OSBPL10: variants seen among roughly 807,000 people sequenced by gnomAD.
OSBPL10 encodes oxysterol binding protein like 10, also known as oxysterol-binding protein-related protein 10.
In OSBPL10, 49 loss-of-function variants were observed where a neutral mutation model predicts 81.7. The observed-to-expected ratio is 0.60, with a 90% CI of 0.48 to 0.76. The LOEUF is 0.76. Ranked by LOEUF, OSBPL10 falls within the 30% of genes least tolerant of loss-of-function variation. The pLI is 0.00. For synonymous variants in OSBPL10, 419 were observed against 383.6 expected, an observed-to-expected ratio of 1.09 and a Z score of -1.08; for missense variants, 923 against 987.8, an observed-to-expected ratio of 0.93 and a Z score of 0.88.
chr3:31,895,565 T>C (rs1327005618), intron 1 of OSBPL10, among the ~76,000 whole-genome samples: 2 of 152,174 alleles, frequency 1.3e-5, no homozygotes, highest in East Asian at 3.9e-4. Flanking sequence ...GCAGTCAACG[T>C]GGAGAATCTG....
chr3:31,767,999 T>C (rs1475881068), intron 4 of OSBPL10, among the ~76,000 whole-genome samples: 1 of 152,166 alleles, frequency 6.6e-6, no homozygotes, highest in Non-Finnish European at 1.5e-5. Flanking sequence ...TGAGGACTAC[T>C]GGTTGGCTAT....
chr3:31,939,565 G>A (rs753269502), intron 1 of OSBPL10, among the ~76,000 whole-genome samples: 4 of 151,896 alleles, frequency 2.6e-5, no homozygotes, highest in South Asian at 4.2e-4. Flanking sequence ...CTCTCCCAGT[G>A]AATCTGGCTT....
At chr3:31,884,453 G>T (rs1219165862) in intron 1 of OSBPL10, among the ~76,000 whole-genome samples, 1 of 152,182 alleles carries the variant, frequency 6.6e-6, no homozygotes, top group Non-Finnish European at 1.5e-5. Context: ...GACTCAACAA[G>T]TGTTCTTTCA....
chr3:31,981,359 CA>C (rs1698839477), upstream of OSBPL10: 1 of 1,110,348 alleles, frequency 9.0e-7, no homozygotes, highest in Non-Finnish European at 1.1e-6. This position sits in a 1 kb window ranked among gnomAD's most constrained non-coding sequence, Gnocchi z 4.5. Flanking sequence ...GGAAGGAAGC[CA>C]ACGGGGCTGG....
intron 2 of OSBPL10, among the ~76,000 whole-genome samples, chr3:32,020,989 G>A (rs1307553153): frequency 1.3e-5 from 2 of 152,186 alleles, no homozygotes; most frequent in Non-Finnish European, 2.9e-5. Context: ...GCTTGCAGAT[G>A]GCTGCCTCTT....
At chr3:31,712,944 A>G (rs994868350) in intron 6 of OSBPL10, among the ~76,000 whole-genome samples, 5 of 152,326 alleles carry the variant, frequency 3.3e-5, no homozygotes, top group South Asian at 2.1e-4. Context: ...ACTGTTCCAC[A>G]TCACATCCAT....
intron 2 of OSBPL10, among the ~76,000 whole-genome samples, chr3:32,007,087 G>T (rs1488899433): frequency 6.6e-6 from 1 of 152,024 alleles, no homozygotes; most frequent in Non-Finnish European, 1.5e-5. Context: ...AATTAAATTT[G>T]TAAATTCAAA....
At position 32,052,186 on chromosome 3, in the gene OSBPL10, G is replaced by T. The variant is rs190829297; in HGVS notation, n.186-5583C>A. The stretch of plus-strand genomic sequence containing the variant: ...CACTTGAGCCTGGGAGGTAGAGGTT[G>T]GAATGAGCAGAGATCACACCACTCC... On this transcript the variant is annotated intron_variant and non_coding_transcript_variant, in intron 1 of 3. Transcript: ENST00000479173. 4.0e-5 allele frequency among the ~76,000 whole-genome samples: 6 copies of T among 151,506 alleles called. No homozygotes were observed. The East Asian group carries it at 7.8e-4, about 20-fold the overall frequency.
chr3:31,764,223 T>C (rs1698136879), intron 4 of OSBPL10, among the ~76,000 whole-genome samples: 1 of 152,252 alleles, frequency 6.6e-6, no homozygotes, highest in Admixed American at 6.5e-5. Flanking sequence ...CCATGATCAC[T>C]GTTCATATAA....
intron 4 of OSBPL10, among the ~76,000 whole-genome samples, chr3:31,796,370 G>GC (rs1054513551): frequency 2.0e-4 from 30 of 151,422 alleles, no homozygotes; most frequent in African/African-American, 5.3e-4. Context: ...TCCTTGCCCC[G>GC]CCCCCCCAAA....
At position 31,965,917 on chromosome 3, in the gene OSBPL10, A is replaced by ATAGATAATATATAT. The variant is rs1206667491; in HGVS notation, c.281+14981_281+14982insATATATATTATCTA. Among the ~76,000 whole-genome samples the ATAGATAATATATAT allele has an allele frequency of 3.0e-3, 348 of 117,040 alleles. 2 individuals carry two copies. Among genetic ancestry groups the ATAGATAATATATAT allele is most frequent in the Middle Eastern group, 7.7e-3 (2 of 260 alleles). 76.8% of individuals were successfully genotyped at this position (117,040 alleles called of 152,430 possible). A position where few individuals can be genotyped will look rare whatever the true frequency, so the allele number is the denominator to read the frequency against. ...TATTATATATTATATAAAATAGATA[A>ATAGATAATATATAT]TATATAATATATATTATATAAAATA... On this transcript the variant is annotated intron_variant, in intron 1 of 11. Transcript: ENST00000396556.
rs1459446635 is a variant in OSBPL10, at chr3:32,010,307, A to C, written n.298+36184T>G. On this transcript the variant is annotated intron_variant and non_coding_transcript_variant, in intron 2 of 3. Transcript: ENST00000479173. ...TGGATCTCCAGCCTCTAGAACTATG[A>C]GAAAATAAATTTCTGTTGTTTAAGC... Among the ~76,000 whole-genome samples, 3 of 152,310 alleles carry C rather than the reference A, an allele frequency of 2.0e-5. No homozygotes were observed. In the East Asian group the frequency reaches 5.8e-4, roughly 29 times the overall value.
chr3:31,791,317 G>A (rs1003409614), intron 4 of OSBPL10, among the ~76,000 whole-genome samples: 3 of 152,098 alleles, frequency 2.0e-5, no homozygotes, highest in African/African-American at 7.2e-5. Context: ...CACATTCCCA[G>A]GCTAAAAACT....
chr3:31,982,735 AT>A (rs1698875310), upstream of OSBPL10, among the ~76,000 whole-genome samples: 2 of 152,192 alleles, frequency 1.3e-5, no homozygotes, highest in Admixed American at 1.3e-4. Context: ...CCTTGATCAA[AT>A]TACCTCTTTT....
intron 11 of OSBPL10, 177 bp from the exon 12 acceptor site, chr3:31,662,293 C>T: frequency 7.4e-7 from 1 of 1,359,084 alleles, no homozygotes. Context: ...ATCTAGATGA[C>T]CTTGACCTTC....
rs748805221 is a variant in OSBPL10 at position 31,684,160 on chromosome 3, G to A, written c.1246-46C>T. 1.9e-5 allele frequency: 31 copies of A among 1,591,006 alleles called. 1 individual carries two copies. The highest frequency in any genetic ancestry group is 1.5e-4 in the South Asian group (13 of 88,750). On this transcript the variant is annotated intron_variant, in intron 7 of 11. Transcript: ENST00000396556. Reference sequence around the variant, plus strand: ...AGTCAGACAATCCCTGGGATTACACGGAAAAGCTGAAAAGAAAGGTAAAGG... The same window carrying A: ...AGTCAGACAATCCCTGGGATTACACAGAAAAGCTGAAAAGAAAGGTAAAGG...
chr3:31,943,701 C>T (rs1170210477), intron 1 of OSBPL10, among the ~76,000 whole-genome samples: 2 of 152,148 alleles, frequency 1.3e-5, no homozygotes, highest in Non-Finnish European at 2.9e-5. Context: ...GGCACAGTGG[C>T]TCATGCCTGT....
chr3:31,662,147 T>C (rs1191580347), intron 11 of OSBPL10, 31 bp from the exon 12 acceptor site: 8 of 1,613,746 alleles, frequency 5.0e-6, no homozygotes, highest in Non-Finnish European at 6.8e-6. Context: ...CATTATTACA[T>C]GGAGACCTCT....
chr3:31,716,500 T>G (rs1411075594), intron 6 of OSBPL10, among the ~76,000 whole-genome samples: 1 of 152,176 alleles, frequency 6.6e-6, no homozygotes, highest in Non-Finnish European at 1.5e-5. Flanking sequence ...TGAGAAGGTC[T>G]GCTCTAATGA....
Sources: gnomAD v4.1 joint callset for allele counts (sites outside exome capture counted in the v4.1 genomes callset) on GRCh38, gnomAD v4.1.1 for gene constraint, Gnocchi (gnomAD v3.1) non-coding constraint, MANE v1.5 for transcripts, NCBI Gene and HGNC (gene_info 2026-07-23, HGNC 2026-07-21) for gene names.